Variants in ADGRG4 observed in about 807,000 individuals in gnomAD.
The protein encoded by ADGRG4 is G protein-coupled receptor 112.
Under a neutral mutation model 126.2 loss-of-function variants are expected in ADGRG4, and 122 were observed. The ratio of observed to expected loss-of-function variants is 0.97; its 90% CI spans 0.83 to 1.12. The LOEUF (loss-of-function observed/expected upper bound fraction) is 1.12. Ranked by LOEUF, ADGRG4 falls within the 50% of genes most tolerant of loss-of-function variation. The probability of loss-of-function intolerance (pLI) is 0.00; values close to 1 mark genes in which losing one functional copy is unlikely to be tolerated. For synonymous variants in ADGRG4, 943 were observed against 838.7 expected (o/e 1.12, Z -2.15); for missense variants, 2,481 against 2,251.8 (o/e 1.10, Z -2.06).
Position 136,350,345 on chromosome X carries a change from G to A in ADGRG4, c.6639G>A (p.Ser2213=), listed in dbSNP as rs748077626. The change falls in exon 6 of 26, where the codon TCG becomes TCA. Residue 2213 remains serine, a synonymous_variant. Transcript: ENST00000394143. Reference sequence around the variant, plus strand: ...CAGCAACTGTGTCTTCACCAATATCGTCCTTTTTTGAAACAACTTGGCTGG... The same window carrying A: ...CAGCAACTGTGTCTTCACCAATATCATCCTTTTTTGAAACAACTTGGCTGG... ...PFTATVSSPI[S]SFFETTWLDS... is the part of the protein sequence containing the mutation. 8.3e-6 allele frequency: 10 copies of A among 1,208,227 alleles called. No homozygotes were observed. The highest frequency in any genetic ancestry group is 3.5e-5 in the African/African-American group (2 of 57,055).
At chrX:136,343,381 T>C in intron 5 of ADGRG4, among the ~76,000 whole-genome samples, 1 of 111,325 alleles carries the variant, frequency 9.0e-6, no homozygotes, top group East Asian at 2.8e-4. Flanking sequence ...ATTGGTTATA[T>C]AAATGTGGAG....
chrX:136,384,823 G>A (rs2075284670), intron 15 of ADGRG4, among the ~76,000 whole-genome samples: 1 of 110,601 alleles, frequency 9.0e-6, no homozygotes, highest in African/African-American at 3.3e-5. Context: ...TATATAATGT[G>A]TAATTTTTCT....
Position 136,412,287 on chromosome X carries a change from C to T in ADGRG4, c.8958C>T (p.His2986=). 8.3e-7 allele frequency: 1 copy of T among 1,203,189 alleles called. No homozygotes were observed. Among genetic ancestry groups the T allele is most frequent in the African/African-American group, 1.7e-5 (1 of 57,663 alleles). Reference sequence around the variant, plus strand: ...TAGGATTCTTCATTTTTGTGTTTCACTGTGTGATGAAGGAGAGTGTGCGGG... The same window carrying T: ...TAGGATTCTTCATTTTTGTGTTTCATTGTGTGATGAAGGAGAGTGTGCGGG... ...TLQGFFIFVF[H]CVMKESVREQ... Residue 2986 remains histidine (H), a synonymous_variant, in exon 24 of 26, where the codon CAC becomes CAT. Coordinates refer to ENST00000394143, the MANE Select transcript of ADGRG4 (RefSeq NM_153834.4).
Position 136,349,528 on chromosome X carries a change from C to A in ADGRG4, c.5822C>A (p.Pro1941His). The A allele has an allele frequency of 8.3e-7, 1 of 1,208,129 alleles. No homozygotes were observed. Among genetic ancestry groups the A allele is most frequent in the East Asian group, 3.0e-5 (1 of 33,827 alleles). ...SKDVMAMSSI[P>H]MSGILPNHGL... The stretch of plus-strand genomic sequence containing the variant: ...GATGTCATGGCAATGTCATCAATTC[C>A]TATGTCAGGAATTCTTCCTAACCAT... Residue 1941 changes from proline to histidine, a missense_variant, in exon 6 of 26, where the codon CCT (proline) becomes CAT (histidine). Coordinates refer to ENST00000394143, the MANE Select transcript of ADGRG4 (RefSeq NM_153834.4).
At chrX:136,313,081 T>TAC (rs1159036436) in intron 4 of ADGRG4, among the ~76,000 whole-genome samples, 4 of 112,884 alleles carry the variant, frequency 3.5e-5, no homozygotes, top group African/African-American at 1.3e-4. Flanking sequence ...AAATTGTTTC[T>TAC]ACATTTTGAC....
chrX:136,397,013 T>C (rs1394842342), intron 19 of ADGRG4, among the ~76,000 whole-genome samples: 16 of 110,599 alleles, frequency 1.4e-4, no homozygotes, highest in Non-Finnish European at 2.8e-4. Flanking sequence ...ATGGTCTCAA[T>C]CTCCTGACCT....
intron 4 of ADGRG4, among the ~76,000 whole-genome samples, chrX:136,311,791 C>A (rs1044441214): frequency 1.8e-5 from 2 of 111,165 alleles, no homozygotes; most frequent in South Asian, 7.8e-4. Context: ...TAAAGAAATT[C>A]TTCTTCTGAA....
chrX:136,347,175 T>C lies in ADGRG4; in HGVS notation c.3469T>C (p.Ser1157Pro), dbSNP rs773483870. ...KPPPDNIPPA[S>P]STHVISTTST... is the part of the protein sequence containing the mutation. ...TCCCCCTGACAACATTCCTCCTGCG[T>C]CCTCCACTCATGTGATCTCAACTAC... is the stretch of plus-strand genomic sequence containing the variant. The change falls in exon 6 of 26, where the codon TCC (serine) becomes CCC (proline). Residue 1157 changes from serine to proline, a missense_variant. By Grantham distance (74) the Ser-to-Pro change is moderately conservative. Coordinates refer to ENST00000394143, the MANE Select transcript of ADGRG4 (RefSeq NM_153834.4). 1.7e-6 allele frequency: 2 copies of C among 1,211,081 alleles called. No individual in the cohort carries two copies. Among genetic ancestry groups the C allele is most frequent in the South Asian group, 3.5e-5 (2 of 56,910 alleles).
chrX:136,332,274 C>T (rs1244015834), intron 5 of ADGRG4, among the ~76,000 whole-genome samples: 30 of 105,524 alleles, frequency 2.8e-4, no homozygotes, highest in Middle Eastern at 4.8e-3. Context: ...TTTGTTCTTG[C>T]GATAGTTTAC....
chrX:136,414,218 C>T lies in ADGRG4; in HGVS notation c.9096C>T (p.Ile3032=), dbSNP rs748743985. ...VGYKQEGLKK[I]FEHKLLTPSL... ...ATAAACAGGAGGGACTAAAGAAAAT[C>T]TTTGAGCACAAACTGTTGACGCCAT... is the stretch of plus-strand genomic sequence containing the variant. Residue 3032 remains isoleucine (I), a synonymous_variant, in exon 25 of 26, where the codon ATC becomes ATT. Coordinates refer to ENST00000394143, the MANE Select transcript of ADGRG4 (RefSeq NM_153834.4). The T allele has an allele frequency of 5.0e-6, 6 of 1,204,095 alleles. No individual in the cohort carries two copies. Among genetic ancestry groups the T allele is most frequent in the Non-Finnish European group, 6.7e-6 (6 of 890,374 alleles).
intron 10 of ADGRG4, 119 bp downstream of exon 10, chrX:136,357,875 A>G (rs925814802): frequency 8.1e-6 from 4 of 496,117 alleles, no homozygotes; most frequent in African/African-American, 7.1e-5. Flanking sequence ...CAAAGTACCC[A>G]GTGATTATTT....
intron 20 of ADGRG4, among the ~76,000 whole-genome samples, chrX:136,399,038 G>T (rs1045226990): frequency 8.9e-6 from 1 of 112,214 alleles, no homozygotes; most frequent in East Asian, 2.8e-4. Flanking sequence ...ATAAGACAAC[G>T]TACTGTGTGG....
intron 4 of ADGRG4, among the ~76,000 whole-genome samples, chrX:136,320,618 A>G (rs2074834069): frequency 8.9e-6 from 1 of 112,072 alleles, no homozygotes; most frequent in Admixed American, 9.5e-5. Context: ...CTGGTTTTAA[A>G]TTAGTATACT....
At chrX:136,365,573 C>T (rs1013936840) in intron 13 of ADGRG4, among the ~76,000 whole-genome samples, 4 of 111,854 alleles carry the variant, frequency 3.6e-5, no homozygotes, top group African/African-American at 1.3e-4. Context: ...TCAATTTTCT[C>T]GGGTATACAC....
intron 8 of ADGRG4, among the ~76,000 whole-genome samples, chrX:136,355,916 G>T (rs1173348380): frequency 9.0e-6 from 1 of 111,508 alleles, no homozygotes; most frequent in Non-Finnish European, 1.9e-5. Flanking sequence ...AGGATGCAAG[G>T]TTAATAAATC....
At chrX:136,304,682 G>A (rs753503364) in intron 2 of ADGRG4, among the ~76,000 whole-genome samples, 173 bp from the exon 3 acceptor site, 5 of 112,193 alleles carry the variant, frequency 4.5e-5, no homozygotes, top group East Asian at 2.8e-4. Context: ...TTGATTGAGC[G>A]CCCTCTATGT....
chrX:136,411,691 G>A (rs1025669430), intron 23 of ADGRG4, among the ~76,000 whole-genome samples: 4 of 112,502 alleles, frequency 3.6e-5, no homozygotes, highest in African/African-American at 1.3e-4. Context: ...TGAAGTTGTA[G>A]TCAAGCTGTC....
At chrX:136,362,479 G>A (rs1209765258) in intron 12 of ADGRG4, among the ~76,000 whole-genome samples, 1 of 111,720 alleles carries the variant, frequency 9.0e-6, no homozygotes, top group African/African-American at 3.3e-5. Context: ...TGATTTTCCT[G>A]AAGTATGGCT....
intron 3 of ADGRG4, among the ~76,000 whole-genome samples, chrX:136,307,368 A>T (rs1201102364): frequency 8.9e-6 from 1 of 112,615 alleles, no homozygotes; most frequent in Non-Finnish European, 1.9e-5. Context: ...CCTCACAGCC[A>T]GTTACTGATT....
Sources: allele counts gnomAD v4.1 joint callset (sites outside exome capture counted in the v4.1 genomes callset), GRCh38; gene constraint gnomAD v4.1.1; transcripts MANE v1.5; gene names NCBI Gene and HGNC (gene_info 2026-07-23, HGNC 2026-07-21).